The following WNK3 variants were observed in gnomAD, a reference collection of about 807,000 sequenced individuals.
The protein encoded by WNK3 is WNK lysine deficient protein kinase 3, also known as serine/threonine-protein kinase WNK3.
Under a neutral mutation model 116.7 loss-of-function variants are expected in WNK3, and 18 were observed. The ratio of observed to expected loss-of-function variants is 0.15; its 90% CI spans 0.11 to 0.23. The LOEUF is 0.23. WNK3 is among the 10% of genes least tolerant of loss of function. WNK3 has a pLI of 1.00. For synonymous variants in WNK3, 404 were observed against 469.4 expected (o/e 0.86, Z 1.80); for missense variants, 993 against 1,323.8 (o/e 0.75, Z 3.88).
chrX:54,255,412 T>C (rs1234231702), intron 12 of WNK3, among the ~76,000 whole-genome samples: 1 of 111,718 alleles, frequency 9.0e-6, no homozygotes, highest in Non-Finnish European at 1.9e-5. Flanking sequence ...AAGAACTCAA[T>C]AGATTTTTGC....
intron 1 of WNK3, among the ~76,000 whole-genome samples, chrX:54,334,899 A>T (rs2069214838): frequency 8.9e-6 from 1 of 111,961 alleles, no homozygotes; most frequent in South Asian, 3.7e-4. Context: ...ACTTATGGAA[A>T]AAACTAAACA....
exon 21 of WNK3, chrX:54,232,961 T>C (rs2067918716): frequency 1.7e-6 from 2 of 1,211,077 alleles, no homozygotes; most frequent in South Asian, 1.8e-5. Flanking sequence ...AAGGCGTTCA[T>C]AGAGCTCCTG....
intron 19 of WNK3, among the ~76,000 whole-genome samples, 191 bp from the exon 20 acceptor site, chrX:54,237,742 G>T (rs1201985799): frequency 9.0e-6 from 1 of 111,304 alleles, no homozygotes; most frequent in Non-Finnish European, 1.9e-5. Flanking sequence ...AATTAGAGTT[G>T]CTGAGATTCT....
chrX:54,337,270 T>A (rs971373102), intron 1 of WNK3, among the ~76,000 whole-genome samples: 7 of 111,231 alleles, frequency 6.3e-5, no homozygotes, highest in African/African-American at 2.0e-4. Flanking sequence ...TTAAAAAAAA[T>A]AAAATCTTTG....
intron 22 of WNK3, among the ~76,000 whole-genome samples, chrX:54,222,870 T>C (rs782474627): frequency 0.011 from 1,048 of 91,981 alleles, 18 homozygotes; most frequent in African/African-American, 0.043. Context: ...AGTGAGACTC[T>C]GTCTCAAAAA....
Position 54,316,867 on chromosome X carries a change from T to C in WNK3, c.538-5576A>G, listed in dbSNP as rs151100354. 9.5e-3 allele frequency among the ~76,000 whole-genome samples: 1,065 copies of C among 111,694 alleles called. 7 individuals are homozygous for C. The highest frequency in any genetic ancestry group is 0.018 in the Middle Eastern group (4 of 217). On this transcript the variant is annotated intron_variant, in intron 2 of 23. Coordinates refer to ENST00000354646, the Ensembl canonical transcript of WNK3. ...GGAATGTAAAATGGTATATTCGTTGTGGAAAGCAACATGATGGTTCCTCAA... is the reference window on the plus strand; with the variant it reads ...GGAATGTAAAATGGTATATTCGTTGCGGAAAGCAACATGATGGTTCCTCAA...
intron 22 of WNK3, among the ~76,000 whole-genome samples, chrX:54,205,325 G>A (rs782764118): frequency 4.5e-5 from 5 of 110,484 alleles, no homozygotes; most frequent in Non-Finnish European, 9.5e-5. Context: ...AAAAAGAAGA[G>A]AAATGAAAAA....
chrX:54,198,555 G>A (rs1483257251), exon 24 of WNK3: 2 of 1,211,105 alleles, frequency 1.7e-6, no homozygotes, highest in Admixed American at 4.4e-5. Flanking sequence ...GAAATGAAGG[G>A]AGTGAGAGTC....
At chrX:54,199,078 A>T (rs1346112139) in intron 23 of WNK3, among the ~76,000 whole-genome samples, 2 of 111,405 alleles carry the variant, frequency 1.8e-5, no homozygotes, top group Non-Finnish European at 3.8e-5. Context: ...CCTGATTTTT[A>T]AAAAAAGACA....
chrX:54,293,673 C>T (rs2068665797), intron 8 of WNK3, among the ~76,000 whole-genome samples: 1 of 111,809 alleles, frequency 8.9e-6, no homozygotes, highest in Non-Finnish European at 1.9e-5. Flanking sequence ...TATTCTCTTT[C>T]TCCTATAACC....
At chrX:54,261,967 G>A (rs2068261077) in intron 10 of WNK3, among the ~76,000 whole-genome samples, 1 of 111,691 alleles carries the variant, frequency 9.0e-6, no homozygotes, top group African/African-American at 3.2e-5. Context: ...CTTCAGAAAG[G>A]TCTAACCAGT....
intron 12 of WNK3, 138 bp downstream of exon 12, chrX:54,255,602 T>C: frequency 2.1e-6 from 1 of 471,878 alleles, no homozygotes; most frequent in South Asian, 8.4e-5. Context: ...ATACTCACAT[T>C]GGAAAGTCTG....
At chrX:54,265,561 G>A (rs1289513043) in intron 10 of WNK3, among the ~76,000 whole-genome samples, 1 of 111,852 alleles carries the variant, frequency 8.9e-6, no homozygotes, top group Non-Finnish European at 1.9e-5. Context: ...TCCAGATCCT[G>A]TAGGACTTTG....
intron 6 of WNK3, 129 bp downstream of exon 6, chrX:54,301,642 T>A (rs2068759731): frequency 2.0e-6 from 1 of 498,503 alleles, no homozygotes; most frequent in African/African-American, 2.4e-5. Flanking sequence ...TACACTTCAA[T>A]CTAGAGTATG....
intron 22 of WNK3, among the ~76,000 whole-genome samples, chrX:54,227,335 T>C (rs1021757317): frequency 1.8e-5 from 2 of 112,193 alleles, no homozygotes; most frequent in Admixed American, 1.9e-4. Context: ...ATAACTAATA[T>C]TACAGAACAT....
chrX:54,302,154 A>G (rs1350299883), intron 5 of WNK3, among the ~76,000 whole-genome samples: 4 of 111,357 alleles, frequency 3.6e-5, no homozygotes, highest in Non-Finnish European at 5.6e-5. Flanking sequence ...GCAGGTATAT[A>G]TGACAATATA....
chrX:54,336,398 T>C (rs1161530032), intron 1 of WNK3, among the ~76,000 whole-genome samples: 1 of 109,706 alleles, frequency 9.1e-6, no homozygotes, highest in Admixed American at 9.9e-5. Context: ...AAGAATATTT[T>C]TTCCAACAAA....
At chrX:54,238,065 C>T (rs782534813) in intron 19 of WNK3, among the ~76,000 whole-genome samples, 2 of 110,413 alleles carry the variant, frequency 1.8e-5, no homozygotes, top group Non-Finnish European at 3.8e-5. Flanking sequence ...AACCCCGTTT[C>T]TACTAAAAAT....
At chrX:54,250,206 G>A (rs2068114898) in intron 15 of WNK3, 75 bp from the exon 16 acceptor site, 4 of 988,999 alleles carry the variant, frequency 4.0e-6, no homozygotes, top group Non-Finnish European at 5.4e-6. Context: ...GAAGAAGCCA[G>A]GTTAAATAAA....
Sources: allele counts gnomAD v4.1 joint callset (sites outside exome capture counted in the v4.1 genomes callset), GRCh38; gene constraint gnomAD v4.1.1; transcripts MANE v1.5; gene names NCBI Gene and HGNC (gene_info 2026-07-23, HGNC 2026-07-21).